The following KCNN4 variants were observed in gnomAD, a reference collection of about 807,000 sequenced individuals.
The protein encoded by KCNN4 is potassium calcium-activated channel subfamily N member 4, also known as intermediate conductance calcium-activated potassium channel protein 4.
KCNN4 carries 31 observed loss-of-function variants against 45.2 expected under a neutral mutation model. The ratio of observed to expected loss-of-function variants is 0.69; its 90% CI spans 0.52 to 0.92. The LOEUF (loss-of-function observed/expected upper bound fraction) is 0.92. Among genes scored for constraint, KCNN4 ranks in the 40% least tolerant of loss-of-function variants. KCNN4 has a pLI of 0.00. For missense variants in KCNN4, 463 were observed against 574.0 expected, an observed-to-expected ratio of 0.81 and a Z score of 1.98; for synonymous variants, 231 against 254.6, an observed-to-expected ratio of 0.91 and a Z score of 0.88.
chr19:43,780,673 C>A (rs1969962257), intron 1 of KCNN4, 30 bp downstream of exon 1: 1 of 1,525,376 alleles, frequency 6.6e-7, no homozygotes, highest in African/African-American at 1.4e-5. Context: ...ACCTAGGAGT[C>A]CCAGCTCCCA....
At chr19:43,770,557 G>C (rs1969616126) in intron 4 of KCNN4, among the ~76,000 whole-genome samples, 1 of 152,208 alleles carries the variant, frequency 6.6e-6, no homozygotes, top group African/African-American at 2.4e-5. Flanking sequence ...TTCAGCTCTT[G>C]ATCACTCAGA....
At chr19:43,780,184 G>A (rs71362671) in intron 1 of KCNN4, among the ~76,000 whole-genome samples, 2 of 152,020 alleles carry the variant, frequency 1.3e-5, no homozygotes, top group Non-Finnish European at 2.9e-5. Context: ...TGGCCTCCAG[G>A]GGTCCTGGAC....
Position 43,767,712 on chromosome 19 carries a change from G to C in KCNN4, c.1120-5C>G. The stretch of plus-strand genomic sequence containing the variant: ...GTCATACAGGATCATGTGCATCTGG[G>C]TGGGAGGAGAGGATCAGAGGTGTCG... On this transcript the variant is annotated splice_region_variant and splice_polypyrimidine_tract_variant and intron_variant, in intron 7 of 8. Transcript: ENST00000648319. 1 of 1,614,144 alleles carries C rather than the reference G, an allele frequency of 6.2e-7. No individual in the cohort carries two copies. The highest frequency in any genetic ancestry group is 8.5e-7 in the Non-Finnish European group (1 of 1,180,006).
At chr19:43,771,081 G>T (rs1382675464) in intron 4 of KCNN4, among the ~76,000 whole-genome samples, 1 of 151,784 alleles carries the variant, frequency 6.6e-6, no homozygotes, top group African/African-American at 2.4e-5. Flanking sequence ...AGGGGAACCC[G>T]ATCTTGTAGG....
Position 43,769,734 on chromosome 19 carries a change from G to T in KCNN4, c.915C>A (p.Ile305=). 6.2e-7 allele frequency: 1 copy of T among 1,613,446 alleles called. No homozygotes were observed. Among genetic ancestry groups the T allele is most frequent in the African/African-American group, 1.3e-5 (1 of 74,982 alleles). The change falls in exon 5 of 9, where the codon ATC becomes ATA. Residue 305 remains isoleucine (I), a synonymous_variant. Coordinates refer to ENST00000648319, the MANE Select transcript of KCNN4 (RefSeq NM_002250.3). This position sits in a 1 kb window ranked among gnomAD's most constrained non-coding sequence, Gnocchi z 4.4. The part of the protein sequence containing the change: ...EKHVHNFMMD[I]QYTKEMKESA... Reference sequence around the variant, plus strand: ...CCCATCTCACCTCTTTGGTATACTGGATATCCATCATGAAGTTGTGCACGT... The same window carrying T: ...CCCATCTCACCTCTTTGGTATACTGTATATCCATCATGAAGTTGTGCACGT...
intron 1 of KCNN4, among the ~76,000 whole-genome samples, chr19:43,778,137 C>T (rs1969864981): frequency 6.6e-6 from 1 of 152,180 alleles, no homozygotes; most frequent in African/African-American, 2.4e-5. Context: ...CCCCAAATCC[C>T]GGACCTGTCT....
chr19:43,774,738 G>T lies in KCNN4; in HGVS notation c.256-119C>A. 1 of 801,256 alleles carries T rather than the reference G, an allele frequency of 1.2e-6. No homozygotes were observed. The highest frequency in any genetic ancestry group is 1.8e-6 in the Non-Finnish European group (1 of 543,814). 49.6% of individuals were successfully genotyped at this position (801,256 alleles called of 1,614,324 possible). A position where few individuals can be genotyped will look rare whatever the true frequency, so the allele number is the denominator to read the frequency against. ...GGTGTGCCGCCTGGCCAGGAGGGAG[G>T]GAGTGCAGGGCGGGAGAGGGATAGG... On this transcript the variant is annotated intron_variant, in intron 2 of 8. Transcript: ENST00000648319. The surrounding 1 kb of genome is among the most constrained non-coding windows in gnomAD (Gnocchi z 5.6).
intron 1 of KCNN4, 94 bp from the exon 2 acceptor site, chr19:43,776,730 GATTCC>G: frequency 1.3e-6 from 1 of 751,478 alleles, no homozygotes; most frequent in African/African-American, 1.9e-5. Context: ...TTTTTTTTTT[GATTCC>G]CAATTTTCCT....
At chr19:43,777,759 T>C (rs1969855761) in intron 1 of KCNN4, among the ~76,000 whole-genome samples, 1 of 152,090 alleles carries the variant, frequency 6.6e-6, no homozygotes, top group South Asian at 2.1e-4. Flanking sequence ...ACTGGGACTG[T>C]TGGATTTCCT....
chr19:43,777,969 G>A (rs1969861716), intron 1 of KCNN4, among the ~76,000 whole-genome samples: 1 of 152,140 alleles, frequency 6.6e-6, no homozygotes, highest in Non-Finnish European at 1.5e-5. Flanking sequence ...GAACAATAGT[G>A]CTGTTGTCAC....
At position 43,774,636 on chromosome 19, in the gene KCNN4, A is replaced by C; in HGVS notation, c.256-17T>G. The stretch of plus-strand genomic sequence containing the variant: ...CATGAACAGCTGCCGGTAGGGGGCC[A>C]AGAAGGGAGGGGTCAGGAGCAGGTC... On this transcript the variant is annotated splice_polypyrimidine_tract_variant and intron_variant, in intron 2 of 8. Coordinates refer to ENST00000648319, the MANE Select transcript of KCNN4 (RefSeq NM_002250.3). This position sits in a 1 kb window ranked among gnomAD's most constrained non-coding sequence, Gnocchi z 5.6. 2.7e-6 allele frequency: 4 copies of C among 1,485,998 alleles called. No homozygotes were observed. Among genetic ancestry groups the C allele is most frequent in the Non-Finnish European group, 3.5e-6 (4 of 1,127,054 alleles). 92.1% of individuals were successfully genotyped at this position (1,485,998 alleles called of 1,614,324 possible).
intron 4 of KCNN4, among the ~76,000 whole-genome samples, chr19:43,771,751 T>G (rs551587792): frequency 5.3e-5 from 8 of 152,182 alleles, no homozygotes; most frequent in Admixed American, 2.0e-4. Flanking sequence ...AGCAGTATGA[T>G]CATAGCTCAC....
At chr19:43,768,924 C>A in intron 7 of KCNN4, 39 bp downstream of exon 7, 1 of 1,607,840 alleles carries the variant, frequency 6.2e-7, no homozygotes, top group Non-Finnish European at 8.5e-7. Flanking sequence ...GCCCCAACCT[C>A]CCCCTTCTTC....
In KCNN4 at chr19:43,767,553, T is replaced by G. The variant is rs1370791665; in HGVS notation, c.1274A>C (p.Gln425Pro). Residue 425 changes from glutamine to proline, a missense_variant, in exon 8 of 9, where the codon CAG becomes CCG. Physicochemically the swap from Gln to Pro is moderately conservative, Grantham distance 76. Transcript: ENST00000648319. ...CAGCCCCCTCACCAGCTACTTGGAC[T>G]GCTGGCTGGGTTCTGGAAGCTGCCT... ...GPRQLPEPSQ[Q>P]SK The G allele has an allele frequency of 1.2e-6, 2 of 1,613,714 alleles. No individual in the cohort carries two copies. The highest frequency in any genetic ancestry group is 2.2e-5 in the South Asian group (2 of 91,058).
rs1469710 is a variant in KCNN4, at chr19:43,772,731, A to G, written c.684-596T>C. On this transcript the variant is annotated intron_variant, in intron 3 of 8. Transcript: ENST00000648319. This position sits in a 1 kb window ranked among gnomAD's most constrained non-coding sequence, Gnocchi z 4.4. Reference sequence around the variant, plus strand: ...CTTTGTCCACAGGCCCCTTGCCGCAAGACCAGCAGGGAAAGCTTCATTCAT... The same window carrying G: ...CTTTGTCCACAGGCCCCTTGCCGCAGGACCAGCAGGGAAAGCTTCATTCAT... Among the ~76,000 whole-genome samples, 93,141 of 151,970 alleles carry G rather than the reference A, an allele frequency of 0.61. 29,271 individuals carry two copies. The highest frequency in any genetic ancestry group is 0.73 in the Admixed American group (11,205 of 15,258).
rs375855583 is a variant in KCNN4 at position 43,771,074 on chromosome 19, G to A, written c.819+926C>T. The stretch of plus-strand genomic sequence containing the variant: ...GTGGCTTAGGTCCCCGAGGGTGAGG[G>A]GAACCCGATCTTGTAGGGAGGTGAA... On this transcript the variant is annotated intron_variant, in intron 4 of 8. Coordinates refer to ENST00000648319, the MANE Select transcript of KCNN4 (RefSeq NM_002250.3). Among the ~76,000 whole-genome samples the A allele has an allele frequency of 2.0e-5, 3 of 152,230 alleles. No individual in the cohort carries two copies. The East Asian group carries it at 5.8e-4, about 29-fold the overall frequency.
intron 7 of KCNN4, 84 bp downstream of exon 7, chr19:43,768,879 G>T: frequency 1.5e-6 from 2 of 1,375,928 alleles, no homozygotes; most frequent in African/African-American, 1.4e-5. Flanking sequence ...CCCTGCCAAG[G>T]TTCCCTGTTC....
chr19:43,774,413 C>T lies in KCNN4; in HGVS notation c.462G>A (p.Leu154=), dbSNP rs200714628. The change falls in exon 3 of 9, where the codon CTG becomes CTA. Residue 154 remains leucine (L), a synonymous_variant. Transcript: ENST00000648319. This position sits in a 1 kb window ranked among gnomAD's most constrained non-coding sequence, Gnocchi z 5.6. ...CCAGGTAGAGACGCAGCAGCATGGC[C>T]AGGGACAGCAGCGCTTCCCCTTGGC... ...FLGQGEALLS[L]AMLLRLYLVP... The T allele has an allele frequency of 8.8e-6, 14 of 1,597,546 alleles. No individual in the cohort carries two copies. In the South Asian group the frequency reaches 1.6e-4, roughly 18 times the overall value.
chr19:43,772,433 C>T lies in KCNN4; in HGVS notation c.684-298G>A, dbSNP rs534337149. On this transcript the variant is annotated intron_variant, in intron 3 of 8. Coordinates refer to ENST00000648319, the MANE Select transcript of KCNN4 (RefSeq NM_002250.3). This position sits in a 1 kb window ranked among gnomAD's most constrained non-coding sequence, Gnocchi z 4.4. Reference sequence around the variant, plus strand: ...TATGGTCTCAGCTAGGCTACCCGGGCTGCTGTAGCATTCAGAGCGTGTGGT... The same window carrying T: ...TATGGTCTCAGCTAGGCTACCCGGGTTGCTGTAGCATTCAGAGCGTGTGGT... Among the ~76,000 whole-genome samples the T allele has an allele frequency of 4.6e-5, 7 of 152,256 alleles. No homozygotes were observed. The East Asian group carries it at 1.4e-3, about 29-fold the overall frequency.
Sources: gnomAD v4.1 joint callset for allele counts (sites outside exome capture counted in the v4.1 genomes callset) on GRCh38, gnomAD v4.1.1 for gene constraint, Gnocchi (gnomAD v3.1) non-coding constraint, MANE v1.5 for transcripts, NCBI Gene and HGNC (gene_info 2026-07-23, HGNC 2026-07-21) for gene names.